Variants in DGKI observed in about 807,000 individuals in gnomAD.
DGKI encodes diacylglycerol kinase iota, also known as DAG kinase iota.
Under a neutral mutation model 147.5 loss-of-function variants are expected in DGKI, and 55 were observed. That is an observed-to-expected ratio of 0.37 (90% CI 0.30 to 0.47). DGKI has a LOEUF of 0.47. Ranked by LOEUF, DGKI falls within the 20% of genes least tolerant of loss-of-function variation. DGKI has a pLI of 1.00. For synonymous variants in DGKI, 469 were observed against 477.1 expected (o/e 0.98, Z 0.22); for missense variants, 1,007 against 1,323.8 (o/e 0.76, Z 3.71).
At chr7:137,616,434 T>A (rs1184849080) in intron 8 of DGKI, among the ~76,000 whole-genome samples, 1 of 152,176 alleles carries the variant, frequency 6.6e-6, no homozygotes, top group Non-Finnish European at 1.5e-5. Flanking sequence ...GGACTGTGCA[T>A]CCAGACTATG....
chr7:137,559,355 GC>G (rs1818339573), intron 19 of DGKI, among the ~76,000 whole-genome samples: 1 of 152,042 alleles, frequency 6.6e-6, no homozygotes, highest in African/African-American at 2.4e-5. Flanking sequence ...ACAGGCGTGA[GC>G]CACCGCGCCT....
chr7:137,669,298 A>G (rs1822758695), intron 3 of DGKI, among the ~76,000 whole-genome samples: 2 of 152,214 alleles, frequency 1.3e-5, no homozygotes, highest in South Asian at 4.1e-4. Flanking sequence ...AAACAGAGAC[A>G]ATACCAACTT....
At chr7:137,685,888 G>T (rs983018496) in intron 2 of DGKI, among the ~76,000 whole-genome samples, 1 of 152,128 alleles carries the variant, frequency 6.6e-6, no homozygotes, top group South Asian at 2.1e-4. Flanking sequence ...AGACTTTGGA[G>T]TCATGCCTAC....
chr7:137,467,796 C>T (rs112679158), intron 24 of DGKI, among the ~76,000 whole-genome samples: 8,901 of 152,068 alleles, frequency 0.059, 898 homozygotes, highest in African/African-American at 0.2. Flanking sequence ...GCCTGGGCAA[C>T]AAAGCAAGAC....
chr7:137,670,808 G>A (rs1359729939), intron 3 of DGKI, among the ~76,000 whole-genome samples: 1 of 152,180 alleles, frequency 6.6e-6, no homozygotes, highest in Non-Finnish European at 1.5e-5. Flanking sequence ...ACTGCCATCT[G>A]GGGTGCAGAT....
chr7:137,498,877 C>T lies in DGKI; in HGVS notation c.2249-11188G>A, dbSNP rs1816068333. On this transcript the variant is annotated intron_variant, in intron 21 of 32. Coordinates refer to ENST00000614521, the MANE Select transcript of DGKI (RefSeq NM_001321708.2). ...GTGAAGCAGAAAAATTCAAAGAAGC[C>T]TATTCCCTGTGATAATATATTCATT... 2.0e-5 allele frequency among the ~76,000 whole-genome samples: 3 copies of T among 152,132 alleles called. 1 individual carries two copies. Among genetic ancestry groups the T allele is most frequent in the Admixed American group, 2.0e-4 (3 of 15,266 alleles).
intron 25 of DGKI, among the ~76,000 whole-genome samples, 167 bp from the exon 26 acceptor site, chr7:137,466,202 T>C (rs57715930): frequency 2.6e-5 from 4 of 152,352 alleles, no homozygotes; most frequent in African/African-American, 4.8e-5. Context: ...CAGTGGGAGA[T>C]AGGGAGAGAT....
chr7:137,655,646 A>G (rs1172841482), intron 4 of DGKI, among the ~76,000 whole-genome samples: 1 of 152,274 alleles, frequency 6.6e-6, no homozygotes, highest in African/African-American at 2.4e-5. Context: ...AAGTTGGGGC[A>G]GAAAAGAAAA....
intron 12 of DGKI, among the ~76,000 whole-genome samples, chr7:137,592,121 T>C (rs1465383971): frequency 6.6e-6 from 1 of 152,194 alleles, no homozygotes; most frequent in African/African-American, 2.4e-5. Flanking sequence ...AGCTCTGTCT[T>C]TACAGTAATC....
intron 1 of DGKI, among the ~76,000 whole-genome samples, chr7:137,803,370 C>T (rs528895448): frequency 6.6e-6 from 1 of 152,058 alleles, no homozygotes; most frequent in African/African-American, 2.4e-5. Context: ...TGTTTTCAAA[C>T]AAGAAAGTAA....
At chr7:137,783,209 A>G (rs1296823324) in intron 1 of DGKI, among the ~76,000 whole-genome samples, 1 of 152,240 alleles carries the variant, frequency 6.6e-6, no homozygotes, top group East Asian at 1.9e-4. Context: ...GGTGTAGTCC[A>G]ACTTAAACAA....
At chr7:137,604,122 A>G (rs775998329) in intron 10 of DGKI, among the ~76,000 whole-genome samples, 9 of 152,124 alleles carry the variant, frequency 5.9e-5, no homozygotes, top group Non-Finnish European at 1.3e-4. Context: ...GACTTTCCAT[A>G]GGTTCATCAT....
chr7:137,603,743 T>C (rs1477725998), intron 10 of DGKI, among the ~76,000 whole-genome samples: 4 of 152,174 alleles, frequency 2.6e-5, no homozygotes, highest in Admixed American at 6.5e-5. Context: ...ACTATTTCTT[T>C]CCACCTCGAA....
chr7:137,819,563 G>C (rs1000830757), intron 1 of DGKI, among the ~76,000 whole-genome samples: 1 of 152,098 alleles, frequency 6.6e-6, no homozygotes, highest in Non-Finnish European at 1.5e-5. Context: ...GCCCGTCTCA[G>C]CCTCCCAAAG....
chr7:137,584,849 C>G (rs1391722169), intron 14 of DGKI, among the ~76,000 whole-genome samples: 1 of 152,192 alleles, frequency 6.6e-6, no homozygotes, highest in Non-Finnish European at 1.5e-5. Context: ...TATATTTCTA[C>G]TGAAAGAACA....
chr7:137,683,696 C>G (rs1823318853), intron 2 of DGKI, among the ~76,000 whole-genome samples: 1 of 152,314 alleles, frequency 6.6e-6, no homozygotes, highest in East Asian at 1.9e-4. Context: ...GAGTCTCCAT[C>G]TGTGCCAGAC....
rs1168785333 is a variant in DGKI, at chr7:137,389,701, A to G, written c.*1519T>C. On this transcript the variant is annotated 3_prime_UTR_variant, in exon 33 of 33. Transcript: ENST00000614521. Reference sequence around the variant, plus strand: ...GACATTTTCTTCTGATATTTTAGGGATCACAGAGTCCCTAAGAGAGGTACC... The same window carrying G: ...GACATTTTCTTCTGATATTTTAGGGGTCACAGAGTCCCTAAGAGAGGTACC... 1 of 152,160 alleles carries G rather than the reference A, an allele frequency of 6.6e-6. No homozygotes were observed. Among genetic ancestry groups the G allele is most frequent in the African/African-American group, 2.4e-5 (1 of 41,442 alleles). 9.4% of individuals were successfully genotyped at this position (152,160 alleles called of 1,614,324 possible). A position where few individuals can be genotyped will look rare whatever the true frequency, so the allele number is the denominator to read the frequency against.
chr7:137,393,749 T>C (rs1811448374), intron 32 of DGKI, among the ~76,000 whole-genome samples: 1 of 152,178 alleles, frequency 6.6e-6, no homozygotes. Flanking sequence ...GTGTGTTTGA[T>C]ATACCTAGGC....
intron 1 of DGKI, among the ~76,000 whole-genome samples, chr7:137,839,959 G>T (rs1247281006): frequency 6.6e-6 from 1 of 152,142 alleles, no homozygotes; most frequent in Non-Finnish European, 1.5e-5. Flanking sequence ...AAAACTCAGG[G>T]CTGGAAGGAA....
Sources: gnomAD v4.1 joint callset for allele counts (sites outside exome capture counted in the v4.1 genomes callset) on GRCh38, gnomAD v4.1.1 for gene constraint, MANE v1.5 for transcripts, NCBI Gene and HGNC (gene_info 2026-07-23, HGNC 2026-07-21) for gene names.